SEMA3C: variants seen among roughly 807,000 people sequenced by gnomAD.
SEMA3C encodes semaphorin 3C, also known as semaphorin-3C.
In SEMA3C, 47 loss-of-function variants were observed where a neutral mutation model predicts 89.4. That is an observed-to-expected ratio of 0.53 (90% confidence interval 0.42 to 0.67). SEMA3C has a LOEUF of 0.67. Among genes scored for constraint, SEMA3C ranks in the 30% least tolerant of loss-of-function variants. SEMA3C has a pLI of 0.00. For missense variants in SEMA3C, 839 were observed against 929.1 expected (o/e 0.90, Z 1.26); for synonymous variants, 310 against 320.2 (o/e 0.97, Z 0.34).
At chr7:80,897,414 G>A (rs1490641600) in intron 2 of SEMA3C, among the ~76,000 whole-genome samples, 3 of 152,192 alleles carry the variant, frequency 2.0e-5, no homozygotes, top group African/African-American at 4.8e-5. Context: ...GAGAGATTCA[G>A]TAGTAAAAGA....
chr7:80,810,573 T>C (rs1202446170), intron 6 of SEMA3C, 38 bp downstream of exon 6: 1 of 1,536,778 alleles, frequency 6.5e-7, no homozygotes, highest in Non-Finnish European at 9.0e-7. Context: ...TTCCATGTTA[T>C]TTTATGTTTA....
intron 4 of SEMA3C, among the ~76,000 whole-genome samples, chr7:80,820,408 T>C (rs1291328488): frequency 6.6e-6 from 1 of 152,028 alleles, no homozygotes; most frequent in African/African-American, 2.4e-5. Context: ...TATTTAAAAC[T>C]AAAACAAAAT....
intron 1 of SEMA3C, chr7:80,918,358 C>T (rs1298082689): frequency 6.6e-6 from 1 of 152,128 alleles, no homozygotes; most frequent in Non-Finnish European, 1.5e-5. Context: ...ACTGGTGATA[C>T]AATGGCAGGT....
At chr7:80,786,558 CTG>C (rs1009217338) in intron 12 of SEMA3C, among the ~76,000 whole-genome samples, 6 of 152,134 alleles carry the variant, frequency 3.9e-5, no homozygotes, top group East Asian at 3.9e-4. Context: ...AAAAAGAAAA[CTG>C]TTTTTCTAAC....
chr7:80,878,761 C>T lies in SEMA3C; in HGVS notation c.103+37918G>A, dbSNP rs146296052. On this transcript the variant is annotated intron_variant, in intron 2 of 17. Transcript: ENST00000265361. ...GACTAGAAATACACCTGGAAAAGATCACAGCATAAAGATAGTGATGGAAGC... is the reference window on the plus strand; with the variant it reads ...GACTAGAAATACACCTGGAAAAGATTACAGCATAAAGATAGTGATGGAAGC... Among the ~76,000 whole-genome samples, 12 of 152,066 alleles carry T rather than the reference C, an allele frequency of 7.9e-5. No individual in the cohort carries two copies. The East Asian group carries it at 2.3e-3, about 29-fold the overall frequency.
rs1787990001 is a variant in SEMA3C, at chr7:80,753,687, C to T, written c.1644-2351G>A. 2.6e-5 allele frequency among the ~76,000 whole-genome samples: 4 copies of T among 152,124 alleles called. No individual in the cohort carries two copies. In the South Asian group the frequency reaches 6.2e-4, roughly 24 times the overall value. ...GAACTTGGAATTTGGTTCAAGTTTC[C>T]CATGTTTCATCCACAACAGTAAATT... is the stretch of plus-strand genomic sequence containing the variant. On this transcript the variant is annotated intron_variant, in intron 15 of 17. Coordinates refer to ENST00000265361, the MANE Select transcript of SEMA3C (RefSeq NM_006379.5).
intron 12 of SEMA3C, among the ~76,000 whole-genome samples, chr7:80,779,311 T>A (rs1406254067): frequency 6.6e-6 from 1 of 152,136 alleles, no homozygotes; most frequent in Admixed American, 6.5e-5. Flanking sequence ...GCATAGTAGG[T>A]CAAAAGAGGA....
chr7:80,900,799 C>T (rs1405177147), intron 2 of SEMA3C, among the ~76,000 whole-genome samples: 1 of 152,334 alleles, frequency 6.6e-6, no homozygotes, highest in East Asian at 1.9e-4. Flanking sequence ...AAATGAATCA[C>T]TTTCATGACT....
At chr7:80,753,980 C>A (rs1787996169) in intron 15 of SEMA3C, among the ~76,000 whole-genome samples, 1 of 152,122 alleles carries the variant, frequency 6.6e-6, no homozygotes, top group African/African-American at 2.4e-5. Flanking sequence ...TCTTATTGCC[C>A]AGGCTGGAGT....
chr7:80,902,006 G>A (rs1791892185), intron 2 of SEMA3C, among the ~76,000 whole-genome samples: 2 of 152,134 alleles, frequency 1.3e-5, no homozygotes, highest in Admixed American at 1.3e-4. Flanking sequence ...AGGCTGGAGT[G>A]CAGTGGCGCT....
intron 14 of SEMA3C, among the ~76,000 whole-genome samples, chr7:80,759,675 T>C (rs575449301): frequency 6.6e-6 from 1 of 152,346 alleles, no homozygotes; most frequent in South Asian, 2.1e-4. Context: ...TAGCAATACA[T>C]GTTTTCAATT....
At chr7:80,860,925 A>C (rs1052025457) in intron 2 of SEMA3C, among the ~76,000 whole-genome samples, 1 of 152,160 alleles carries the variant, frequency 6.6e-6, no homozygotes, top group African/African-American at 2.4e-5. Flanking sequence ...TCTTTAACTC[A>C]TGTTTGTTTA....
At chr7:80,875,858 TAAGAA>T in intron 2 of SEMA3C, among the ~76,000 whole-genome samples, 1 of 150,568 alleles carries the variant, frequency 6.6e-6, no homozygotes, top group Non-Finnish European at 1.5e-5. Context: ...AACTTCACAA[TAAGAA>T]AAGAAAAAAA....
intron 15 of SEMA3C, among the ~76,000 whole-genome samples, chr7:80,758,025 C>A (rs1197357639): frequency 6.6e-6 from 1 of 151,884 alleles, no homozygotes; most frequent in African/African-American, 2.4e-5. Context: ...ACAAAAAATG[C>A]AAAAAGCTAA....
intron 12 of SEMA3C, among the ~76,000 whole-genome samples, chr7:80,783,217 GACA>G (rs1355260860): frequency 1.3e-5 from 2 of 151,996 alleles, no homozygotes; most frequent in Admixed American, 6.5e-5. Context: ...AAATGTAAAT[GACA>G]ACATTTGCCT....
In SEMA3C at chr7:80,798,004, A is replaced by G. The variant is rs1789107388; in HGVS notation, c.1131+88T>C. 8.7e-6 allele frequency: 12 copies of G among 1,373,462 alleles called. No homozygotes were observed. In the South Asian group the frequency reaches 1.6e-4, roughly 19 times the overall value. 85.1% of individuals were successfully genotyped at this position (1,373,462 alleles called of 1,614,324 possible). A position where few individuals can be genotyped will look rare whatever the true frequency, so the allele number is the denominator to read the frequency against. ...CAGAGTGAGACTCCGTCTCAAAAAA[A>G]AACCCCAAAAAACCCCACAGATATT... On this transcript the variant is annotated intron_variant, in intron 11 of 17. Transcript: ENST00000265361.
chr7:80,755,276 C>T (rs1429265897), intron 15 of SEMA3C, among the ~76,000 whole-genome samples: 1 of 151,016 alleles, frequency 6.6e-6, no homozygotes, highest in Admixed American at 6.6e-5. Flanking sequence ...TATTTAAGCA[C>T]ACATCTTAGA....
intron 15 of SEMA3C, among the ~76,000 whole-genome samples, chr7:80,752,248 C>A (rs182774890): frequency 6.6e-6 from 1 of 152,076 alleles, no homozygotes; most frequent in African/African-American, 2.4e-5. Context: ...TTTAAGTTAA[C>A]CAGCTTCCAG....
At chr7:80,911,965 A>G (rs1236285250) in intron 2 of SEMA3C, among the ~76,000 whole-genome samples, 2 of 151,926 alleles carry the variant, frequency 1.3e-5, no homozygotes, top group Admixed American at 6.6e-5. Context: ...CTGTGTTCGT[A>G]TGACCGATTA....
Sources: allele counts gnomAD v4.1 joint callset (sites outside exome capture counted in the v4.1 genomes callset), GRCh38; gene constraint gnomAD v4.1.1; transcripts MANE v1.5; gene names NCBI Gene and HGNC (gene_info 2026-07-23, HGNC 2026-07-21).